The following FBXL17 variants were observed in gnomAD, a reference collection of about 807,000 sequenced individuals.
FBXL17 encodes F-box and leucine rich repeat protein 17, also known as F-box/LRR-repeat protein 17.
In FBXL17, 22 loss-of-function variants were observed where a neutral mutation model predicts 66.2. The observed-to-expected ratio is 0.33, with a 90% CI of 0.24 to 0.47. FBXL17 has a LOEUF of 0.47. FBXL17 is among the 20% of genes least tolerant of loss of function. The pLI, the probability that FBXL17 is intolerant of heterozygous loss-of-function variation, is 1.00. For synonymous variants in FBXL17, 474 were observed against 400.5 expected (o/e 1.18, Z -2.19); for missense variants, 878 against 948.2 (o/e 0.93, Z 0.97).
At chr5:107,929,011 G>A (rs1219695304) in intron 7 of FBXL17, among the ~76,000 whole-genome samples, 1 of 152,038 alleles carries the variant, frequency 6.6e-6, no homozygotes, top group Non-Finnish European at 1.5e-5. Context: ...TTCTTGCACT[G>A]CCATTTTACC....
chr5:108,235,686 C>T (rs745886696), intron 4 of FBXL17, among the ~76,000 whole-genome samples: 1 of 152,154 alleles, frequency 6.6e-6, no homozygotes, highest in Non-Finnish European at 1.5e-5. Context: ...TGATCTGATC[C>T]CATCTCATCT....
intron 4 of FBXL17, among the ~76,000 whole-genome samples, chr5:108,236,168 C>T (rs1321006071): frequency 6.6e-6 from 1 of 152,052 alleles, no homozygotes; most frequent in African/African-American, 2.4e-5. Context: ...TTGGACCATA[C>T]TGCTGCACTC....
At chr5:107,878,280 G>A (rs1167827102) in intron 8 of FBXL17, 6 of 941,036 alleles carry the variant, frequency 6.4e-6, no homozygotes, top group Middle Eastern at 5.5e-4. Flanking sequence ...GGGATAGTAG[G>A]CAATATAATT....
chr5:108,097,174 G>A (rs1275233795), intron 6 of FBXL17, among the ~76,000 whole-genome samples: 1 of 151,728 alleles, frequency 6.6e-6, no homozygotes, highest in Non-Finnish European at 1.5e-5. Context: ...TCACCTGTGT[G>A]TTCACACTCT....
intron 7 of FBXL17, among the ~76,000 whole-genome samples, chr5:107,980,400 T>C (rs143961504): frequency 7.5e-6 from 1 of 133,186 alleles, no homozygotes; most frequent in Non-Finnish European, 1.6e-5. Flanking sequence ...TTTTACTTAA[T>C]ATTTTTTTTT....
intron 6 of FBXL17, among the ~76,000 whole-genome samples, chr5:108,026,908 G>T (rs1754846209): frequency 6.6e-6 from 1 of 152,142 alleles, no homozygotes; most frequent in African/African-American, 2.4e-5. Flanking sequence ...TAAAACTTAA[G>T]TACTACGGGT....
chr5:107,932,665 A>G (rs896344717), intron 7 of FBXL17, among the ~76,000 whole-genome samples: 5 of 152,188 alleles, frequency 3.3e-5, no homozygotes, highest in Admixed American at 3.3e-4. Context: ...TCAAGAATCA[A>G]AGACATTCTT....
intron 6 of FBXL17, among the ~76,000 whole-genome samples, chr5:108,028,304 C>T (rs546572832): frequency 6.6e-6 from 1 of 152,134 alleles, no homozygotes; most frequent in Admixed American, 6.6e-5. Context: ...AAAAAGGATA[C>T]CGTGAAATTT....
At chr5:107,949,862 G>A (rs1471011524) in intron 7 of FBXL17, among the ~76,000 whole-genome samples, 4 of 152,178 alleles carry the variant, frequency 2.6e-5, no homozygotes, top group Admixed American at 2.6e-4. Context: ...AGCTGAAACA[G>A]GAGCGAAATC....
At chr5:108,081,173 T>C (rs1748748193) in intron 6 of FBXL17, among the ~76,000 whole-genome samples, 2 of 152,194 alleles carry the variant, frequency 1.3e-5, no homozygotes, top group South Asian at 4.1e-4. Flanking sequence ...AAGATCTCTT[T>C]TTTAGTGTTA....
At chr5:107,906,770 G>T (rs1749775397) in intron 7 of FBXL17, among the ~76,000 whole-genome samples, 1 of 152,172 alleles carries the variant, frequency 6.6e-6, no homozygotes, top group African/African-American at 2.4e-5. Context: ...AGTAACCAAA[G>T]AGATTTAAAA....
chr5:107,862,518 G>A (rs758606975), intron 8 of FBXL17, among the ~76,000 whole-genome samples: 13 of 152,136 alleles, frequency 8.5e-5, no homozygotes, highest in Non-Finnish European at 1.6e-4. Flanking sequence ...TACAATTGCT[G>A]TGCTGTGAAG....
chr5:108,222,793 C>A (rs1754926353), intron 5 of FBXL17, among the ~76,000 whole-genome samples: 2 of 151,380 alleles, frequency 1.3e-5, no homozygotes, highest in South Asian at 4.2e-4. Flanking sequence ...CCCATCTCAG[C>A]CTCCCAAGTA....
At chr5:108,160,498 G>A (rs1352244136) in intron 6 of FBXL17, among the ~76,000 whole-genome samples, 1 of 152,190 alleles carries the variant, frequency 6.6e-6, no homozygotes, top group African/African-American at 2.4e-5. Flanking sequence ...AGAATATAGA[G>A]TGAACTGGGT....
At chr5:107,951,351 G>C (rs1045771930) in intron 7 of FBXL17, among the ~76,000 whole-genome samples, 1 of 152,282 alleles carries the variant, frequency 6.6e-6, no homozygotes, top group South Asian at 2.1e-4. Flanking sequence ...CAATTAAAAC[G>C]TTTTATTTAT....
At chr5:108,085,690 A>T (rs1174709936) in intron 6 of FBXL17, among the ~76,000 whole-genome samples, 1 of 152,152 alleles carries the variant, frequency 6.6e-6, no homozygotes, top group South Asian at 2.1e-4. Flanking sequence ...ATCCAAGCAC[A>T]CTGGGAGGCA....
chr5:108,185,965 A>C, intron 6 of FBXL17, 152 bp downstream of exon 6: 2 of 583,084 alleles, frequency 3.4e-6, no homozygotes, highest in Non-Finnish European at 5.8e-6. Flanking sequence ...CATTAAAAGT[A>C]TAGATCTAGA....
intron 6 of FBXL17, among the ~76,000 whole-genome samples, chr5:108,083,807 T>A (rs1279299466): frequency 6.6e-6 from 1 of 152,066 alleles, no homozygotes; most frequent in Non-Finnish European, 1.5e-5. Context: ...CAAAAAAACA[T>A]ATGGCATAAC....
At chr5:107,893,994 C>T (rs1749291513) in intron 7 of FBXL17, among the ~76,000 whole-genome samples, 1 of 152,084 alleles carries the variant, frequency 6.6e-6, no homozygotes, top group Non-Finnish European at 1.5e-5. Context: ...GTTGTTAATA[C>T]CAAGCAAATA....
Sources: allele counts gnomAD v4.1 joint callset (sites outside exome capture counted in the v4.1 genomes callset), GRCh38; gene constraint gnomAD v4.1.1; transcripts MANE v1.5; gene names NCBI Gene and HGNC (gene_info 2026-07-23, HGNC 2026-07-21).